The following SLA2 variants were observed in gnomAD, a reference collection of about 807,000 sequenced individuals.
SLA2 encodes the protein src-like-adapter 2.
Under a neutral mutation model 27.3 loss-of-function variants are expected in SLA2, and 22 were observed. That is an observed-to-expected ratio of 0.81 (90% CI 0.58 to 1.15). SLA2 has a LOEUF of 1.15. SLA2 is among the 50% of genes most tolerant of loss of function. The pLI is 0.00. For synonymous variants in SLA2, 131 were observed against 137.8 expected (o/e 0.95, Z 0.34); for missense variants, 304 against 322.2 (o/e 0.94, Z 0.43).
At chr20:36,624,964 G>A (rs1367796861) in intron 5 of SLA2, among the ~76,000 whole-genome samples, 1 of 151,850 alleles carries the variant, frequency 6.6e-6, no homozygotes, top group Non-Finnish European at 1.5e-5. Flanking sequence ...GTCTCTCCCA[G>A]CTCTTCATCC....
At chr20:36,618,149 A>T (rs533624042) in intron 5 of SLA2, among the ~76,000 whole-genome samples, 53 of 151,458 alleles carry the variant, frequency 3.5e-4, no homozygotes, top group Non-Finnish European at 5.5e-4. Context: ...TCCGTCTCAA[A>T]AAAAAAAAAA....
chr20:36,619,983 C>A (rs2039263180), intron 5 of SLA2, among the ~76,000 whole-genome samples: 1 of 151,406 alleles, frequency 6.6e-6, no homozygotes, highest in African/African-American at 2.4e-5. Context: ...AGCCGATAGT[C>A]ACAGCTACTC....
chr20:36,615,112 G>T lies in SLA2; in HGVS notation c.532+113C>A, dbSNP rs199904234. 5 of 1,518,024 alleles carry T rather than the reference G, an allele frequency of 3.3e-6. No individual in the cohort carries two copies. The African/African-American group carries it at 6.9e-5, about 21-fold the overall frequency. The allele number at this position is 1,518,024 out of a possible 1,614,324, so 94.0% of individuals were successfully genotyped here. A position where few individuals can be genotyped will look rare whatever the true frequency, so the allele number is the denominator to read the frequency against. Reference sequence around the variant, plus strand: ...GACTGGCGTGAAAATAGGGGAGGCCGCTCTTCTGTCTGTCTGAATACTCCA... The same window carrying T: ...GACTGGCGTGAAAATAGGGGAGGCCTCTCTTCTGTCTGTCTGAATACTCCA... On this transcript the variant is annotated intron_variant, in intron 6 of 7. Transcript: ENST00000262866.
intron 5 of SLA2, among the ~76,000 whole-genome samples, chr20:36,629,539 C>T (rs375973118): frequency 2.0e-5 from 3 of 150,982 alleles, no homozygotes; most frequent in Non-Finnish European, 2.9e-5. Context: ...TTTGGGAGGC[C>T]GAGGTGGGTG....
chr20:36,630,133 AG>A (rs1045856637), intron 5 of SLA2, among the ~76,000 whole-genome samples: 6 of 152,170 alleles, frequency 3.9e-5, no homozygotes, highest in Admixed American at 6.6e-5. Flanking sequence ...CTGAAGCTCC[AG>A]GGGACAGTCT....
In SLA2 at chr20:36,633,397, G is replaced by GCTGTCTGCCCCT. The variant is rs1162501267; in HGVS notation, c.278+134_278+145dup. ...CACAGGCCAACCTGTGCTAGGATGA[G>GCTGTCTGCCCCT]CTGTCTGCCCCTCTTGAGGGCAGGA... On this transcript the variant is annotated intron_variant, in intron 4 of 7. Transcript: ENST00000262866. 4.4e-4 allele frequency: 301 copies of GCTGTCTGCCCCT among 686,254 alleles called. 2 individuals carry two copies. Among genetic ancestry groups the GCTGTCTGCCCCT allele is most frequent in the Non-Finnish European group, 6.0e-5 (23 of 381,878 alleles). 42.5% of individuals were successfully genotyped at this position (686,254 alleles called of 1,614,324 possible). A position where few individuals can be genotyped will look rare whatever the true frequency, so the allele number is the denominator to read the frequency against.
intron 2 of SLA2, among the ~76,000 whole-genome samples, chr20:36,639,833 C>G (rs1309875453): frequency 2.6e-5 from 4 of 151,888 alleles, no homozygotes; most frequent in Admixed American, 2.6e-4. Context: ...TGCACTCCAG[C>G]CTTGGAGACA....
intron 5 of SLA2, among the ~76,000 whole-genome samples, chr20:36,624,500 G>A (rs2147984227): frequency 1.3e-5 from 2 of 152,238 alleles, no homozygotes; most frequent in Middle Eastern, 6.8e-3. Context: ...ACTAGATTGT[G>A]GGCAGGAATC....
At chr20:36,640,371 C>T (rs373946469) in intron 2 of SLA2, among the ~76,000 whole-genome samples, 5 of 152,094 alleles carry the variant, frequency 3.3e-5, no homozygotes, top group East Asian at 3.8e-4. Context: ...TAGTACCTCT[C>T]GGGTCCACTA....
At position 36,633,555 on chromosome 20, in the gene SLA2, T is replaced by C; in HGVS notation, c.266A>G (p.Lys89Arg). 1 of 1,614,060 alleles carries C rather than the reference T, an allele frequency of 6.2e-7. No homozygotes were observed. The highest frequency in any genetic ancestry group is 1.1e-5 in the South Asian group (1 of 91,080). ...EYNIPSVHVA[K>R]VSHGWLYEGL... The stretch of plus-strand genomic sequence containing the variant: ...GGTGGGAACTCACCCATGGGAGACT[T>C]TGGCCACGTGGACGCTGGGGATGTT... The change falls in exon 4 of 8, where the codon AAA becomes AGA. Residue 89 changes from lysine to arginine, a missense_variant. Coordinates refer to ENST00000262866, the MANE Select transcript of SLA2 (RefSeq NM_032214.4).
chr20:36,616,167 G>A (rs571093768), intron 5 of SLA2, among the ~76,000 whole-genome samples: 6 of 152,240 alleles, frequency 3.9e-5, no homozygotes, highest in East Asian at 1.9e-4. Context: ...ATGAGAGGGG[G>A]CTACAAAGGG....
intron 1 of SLA2, among the ~76,000 whole-genome samples, chr20:36,642,735 A>G (rs1286185386): frequency 6.6e-6 from 1 of 151,972 alleles, no homozygotes; most frequent in Non-Finnish European, 1.5e-5. Context: ...ACAGGCATGC[A>G]CCACCACGCC....
At chr20:36,618,868 T>C in intron 5 of SLA2, among the ~76,000 whole-genome samples, 1 of 122,340 alleles carries the variant, frequency 8.2e-6, no homozygotes, top group African/African-American at 3.1e-5. Context: ...GATTGTACCA[T>C]TTCACTACAG....
At chr20:36,634,793 G>C (rs2039427841) in intron 2 of SLA2, among the ~76,000 whole-genome samples, 1 of 152,016 alleles carries the variant, frequency 6.6e-6, no homozygotes, top group Admixed American at 6.5e-5. Flanking sequence ...CCCAGAGAGA[G>C]AGAGAGAGAG....
intron 3 of SLA2, 104 bp downstream of exon 3, chr20:36,634,386 C>T (rs746435892): frequency 7.4e-5 from 61 of 828,360 alleles, no homozygotes; most frequent in Non-Finnish European, 1.1e-4. Context: ...CGAGCTCCAG[C>T]GATTCTCCCA....
intron 5 of SLA2, among the ~76,000 whole-genome samples, chr20:36,622,793 G>A (rs763948442): frequency 6.6e-6 from 1 of 152,050 alleles, no homozygotes. Context: ...ATTATATTGG[G>A]TCCATCTGGA....
rs2147972732 is a variant in SLA2 at position 36,613,591 on chromosome 20, C to T, written c.*275G>A. ...CAAGAACTAACTAGGTCAGACCCCC[C>T]AGGAGGCTTATTCTCTTTTTGGAAC... is the stretch of plus-strand genomic sequence containing the variant. On this transcript the variant is annotated 3_prime_UTR_variant, in exon 8 of 8. Transcript: ENST00000262866. 8.7e-6 allele frequency: 3 copies of T among 346,410 alleles called. No individual in the cohort carries two copies. Among genetic ancestry groups the T allele is most frequent in the Non-Finnish European group, 1.6e-5 (3 of 188,944 alleles). 21.5% of individuals were successfully genotyped at this position (346,410 alleles called of 1,614,324 possible).
chr20:36,629,540 G>A (rs1427437289), intron 5 of SLA2, among the ~76,000 whole-genome samples: 1 of 151,336 alleles, frequency 6.6e-6, no homozygotes, highest in Non-Finnish European at 1.5e-5. Flanking sequence ...TTGGGAGGCC[G>A]AGGTGGGTGG....
intron 2 of SLA2, among the ~76,000 whole-genome samples, chr20:36,635,269 T>C (rs904500387): frequency 1.5e-4 from 22 of 151,608 alleles, no homozygotes; most frequent in African/African-American, 5.3e-4. Flanking sequence ...ATCCCTCCCT[T>C]CTTCCCCCTT....
Sources: gnomAD v4.1 joint callset for allele counts (sites outside exome capture counted in the v4.1 genomes callset) on GRCh38, gnomAD v4.1.1 for gene constraint, MANE v1.5 for transcripts, NCBI Gene and HGNC (gene_info 2026-07-23, HGNC 2026-07-21) for gene names.